The following TCF12 variants were observed in gnomAD, a reference collection of about 807,000 sequenced individuals.
TCF12 encodes the protein transcription factor 12, also known as DNA-binding protein HTF4.
Under a neutral mutation model 86.0 loss-of-function variants are expected in TCF12, and 45 were observed. The ratio of observed to expected loss-of-function variants is 0.52; its 90% CI spans 0.41 to 0.67. The LOEUF (loss-of-function observed/expected upper bound fraction) is 0.67, where lower values mean the gene tolerates loss of function less well. TCF12 is among the 30% of genes least tolerant of loss of function. TCF12 has a pLI of 0.00. For missense variants in TCF12, 881 were observed against 859.9 expected (o/e 1.02, Z -0.31); for synonymous variants, 330 against 299.6 (o/e 1.10, Z -1.05).
In TCF12 at chr15:57,083,866, C is replaced by A. The variant is rs948450947; in HGVS notation, c.223-7923C>A. Among the ~76,000 whole-genome samples the A allele has an allele frequency of 2.6e-5, 4 of 152,254 alleles. No homozygotes were observed. The South Asian group carries it at 6.2e-4, about 24-fold the overall frequency. ...AAAGTATTGGGATTACAGGTGTGAG[C>A]GACTGCACCCAGCTCTATAAATTTT... On this transcript the variant is annotated intron_variant, in intron 4 of 20. Coordinates refer to ENST00000333725, the MANE Select transcript of TCF12 (RefSeq NM_207037.2).
chr15:57,109,820 C>G lies in TCF12; in HGVS notation c.325+17929C>G, dbSNP rs560835503. On this transcript the variant is annotated intron_variant, in intron 5 of 20. Coordinates refer to ENST00000333725, the MANE Select transcript of TCF12 (RefSeq NM_207037.2). ...ATCATTTATATATTACCATAAATCA[C>G]AGTTGTATTAAGTCAGCCATGAAGA... is the stretch of plus-strand genomic sequence containing the variant. Among the ~76,000 whole-genome samples the G allele has an allele frequency of 3.1e-4, 47 of 152,226 alleles. 1 individual carries two copies. Among genetic ancestry groups the G allele is most frequent in the Middle Eastern group, 3.4e-3 (1 of 294 alleles).
At chr15:56,951,776 A>G (rs2061288766) in intron 3 of TCF12, among the ~76,000 whole-genome samples, 1 of 152,058 alleles carries the variant, frequency 6.6e-6, no homozygotes, top group South Asian at 2.1e-4. Flanking sequence ...CAGCTTCCTG[A>G]GTAGCTGGGA....
intron 5 of TCF12, among the ~76,000 whole-genome samples, chr15:57,164,194 G>A (rs1399227219): frequency 1.3e-5 from 2 of 152,162 alleles, no homozygotes; most frequent in African/African-American, 4.8e-5. Context: ...TGTTAACGCT[G>A]TGAGACTTAA....
chr15:56,972,697 G>A (rs1342223826), intron 3 of TCF12, among the ~76,000 whole-genome samples: 4 of 152,150 alleles, frequency 2.6e-5, no homozygotes, highest in African/African-American at 9.7e-5. Context: ...GGTTGTGACA[G>A]TACTGAGTAT....
At chr15:57,283,566 G>A (rs1754565754) in intron 20 of TCF12, among the ~76,000 whole-genome samples, 1 of 152,176 alleles carries the variant, frequency 6.6e-6, no homozygotes. Context: ...CGCCCAGCTG[G>A]TAACTTCATT....
At chr15:56,987,999 T>TG (rs1176504972) in intron 3 of TCF12, among the ~76,000 whole-genome samples, 1 of 152,232 alleles carries the variant, frequency 6.6e-6, no homozygotes, top group African/African-American at 2.4e-5. Flanking sequence ...ATATATCACT[T>TG]GTATTAGTAT....
At chr15:57,284,170 TTTTG>T (rs773208245) in intron 20 of TCF12, among the ~76,000 whole-genome samples, 82 of 152,268 alleles carry the variant, frequency 5.4e-4, no homozygotes, top group Non-Finnish European at 8.8e-4. Context: ...TTTGAAGTTT[TTTTG>T]TTTGTTCTGG....
chr15:57,235,828 A>G (rs1395194267), intron 12 of TCF12, among the ~76,000 whole-genome samples: 7 of 152,072 alleles, frequency 4.6e-5, no homozygotes, highest in South Asian at 2.1e-4. Flanking sequence ...GAAAACTTCT[A>G]TCAGGGAACC....
At chr15:57,248,501 A>G (rs1445461638) in intron 13 of TCF12, among the ~76,000 whole-genome samples, 3 of 152,260 alleles carry the variant, frequency 2.0e-5, no homozygotes, top group Admixed American at 2.0e-4. Flanking sequence ...TCCTTCTGGA[A>G]TATAAATGAA....
intron 8 of TCF12, among the ~76,000 whole-genome samples, chr15:57,204,252 A>G (rs2057701033): frequency 6.6e-6 from 1 of 152,134 alleles, no homozygotes; most frequent in Non-Finnish European, 1.5e-5. Context: ...CCTAGGCCAC[A>G]TAGTGAGACC....
At chr15:57,165,748 G>A (rs2054844549) in intron 5 of TCF12, among the ~76,000 whole-genome samples, 2 of 151,994 alleles carry the variant, frequency 1.3e-5, no homozygotes, top group Non-Finnish European at 2.9e-5. Context: ...TTGTTAGCCA[G>A]GATTGTCTTG....
chr15:57,102,167 T>A (rs553044527), intron 5 of TCF12, among the ~76,000 whole-genome samples: 1 of 152,332 alleles, frequency 6.6e-6, no homozygotes, highest in South Asian at 2.1e-4. Flanking sequence ...TACTTATATA[T>A]CATTGATTTG....
At chr15:57,276,489 T>A (rs2061401857) in intron 19 of TCF12, among the ~76,000 whole-genome samples, 1 of 152,226 alleles carries the variant, frequency 6.6e-6, no homozygotes, top group African/African-American at 2.4e-5. Flanking sequence ...GGAATAGTGG[T>A]ACTTATTTGT....
At position 57,287,680 on chromosome 15, in the gene TCF12, C is replaced by T. The variant is rs2061977190; in HGVS notation, c.*1535C>T. ...GGCAATCAGCACACAGAGGAAAGGA[C>T]CCAAATCACTATGTAGCTTAAAGAT... is the stretch of plus-strand genomic sequence containing the variant. On this transcript the variant is annotated 3_prime_UTR_variant, in exon 21 of 21. Transcript: ENST00000333725. The T allele has an allele frequency of 6.6e-6, 1 of 152,558 alleles. No individual in the cohort carries two copies. The highest frequency in any genetic ancestry group is 2.4e-5 in the African/African-American group (1 of 41,416). 9.5% of individuals were successfully genotyped at this position (152,558 alleles called of 1,614,324 possible).
At chr15:57,097,029 A>G (rs1306430428) in intron 5 of TCF12, among the ~76,000 whole-genome samples, 2 of 152,136 alleles carry the variant, frequency 1.3e-5, no homozygotes, top group Non-Finnish European at 2.9e-5. Flanking sequence ...TAGATTGCAT[A>G]GGTTTCAGTG....
chr15:57,167,475 C>T (rs2054986668), intron 6 of TCF12, among the ~76,000 whole-genome samples: 1 of 151,912 alleles, frequency 6.6e-6, no homozygotes, highest in South Asian at 2.1e-4. Flanking sequence ...GCAGGAGGAT[C>T]ACTTGAGCCC....
chr15:56,934,832 C>CA (rs1172159373), intron 3 of TCF12, among the ~76,000 whole-genome samples: 7 of 152,090 alleles, frequency 4.6e-5, no homozygotes, highest in African/African-American at 1.7e-4. Context: ...TTGTGGCCTT[C>CA]ATAGGAGCTA....
chr15:57,231,316 T>A, intron 9 of TCF12, 59 bp downstream of exon 9: 1 of 1,286,500 alleles, frequency 7.8e-7, no homozygotes, highest in Admixed American at 1.7e-5. Flanking sequence ...TCAGCCAGTA[T>A]TTTAAAGTAT....
At chr15:57,081,682 C>T (rs1357250076) in intron 4 of TCF12, among the ~76,000 whole-genome samples, 6 of 152,070 alleles carry the variant, frequency 3.9e-5, no homozygotes, top group Non-Finnish European at 5.9e-5. Flanking sequence ...GGACTACAGG[C>T]GCATGCCACT....
Sources: allele counts gnomAD v4.1 joint callset (sites outside exome capture counted in the v4.1 genomes callset), GRCh38; gene constraint gnomAD v4.1.1; transcripts MANE v1.5; gene names NCBI Gene and HGNC (gene_info 2026-07-23, HGNC 2026-07-21).